The following IMMP2L variants were observed in gnomAD, a reference collection of about 807,000 sequenced individuals.
IMMP2L encodes the protein mitochondrial inner membrane protease subunit 2.
IMMP2L carries 18 observed loss-of-function variants against 19.3 expected under a neutral mutation model. That is an observed-to-expected ratio of 0.93 (90% CI 0.64 to 1.38). IMMP2L has a LOEUF of 1.38. IMMP2L is among the 40% of genes most tolerant of loss of function. IMMP2L has a pLI of 0.00. For missense variants in IMMP2L, 233 were observed against 218.2 expected (o/e 1.07, Z -0.43); for synonymous variants, 76 against 73.0 (o/e 1.04, Z -0.21).
rs142121715 is a variant in IMMP2L, at chr7:111,309,785, A to G, written c.239+177453T>C. ...ATTTTGAAATATTGTTACACTCATCACTAACTCCAAAATTATAGTACCTGT... is the reference window on the plus strand; with the variant it reads ...ATTTTGAAATATTGTTACACTCATCGCTAACTCCAAAATTATAGTACCTGT... On this transcript the variant is annotated intron_variant, in intron 3 of 5. Transcript: ENST00000405709. Among the ~76,000 whole-genome samples the G allele has an allele frequency of 3.1e-3, 467 of 152,258 alleles. 3 individuals are homozygous for G. Among genetic ancestry groups the G allele is most frequent in the African/African-American group, 0.01 (436 of 41,560 alleles).
At chr7:110,935,089 T>C (rs1256035063) in intron 4 of IMMP2L, among the ~76,000 whole-genome samples, 5 of 152,152 alleles carry the variant, frequency 3.3e-5, no homozygotes, top group Non-Finnish European at 5.9e-5. Context: ...TCCTTCATAG[T>C]GTTGATGGTC....
At chr7:111,454,133 G>A (rs1363986399) in intron 3 of IMMP2L, among the ~76,000 whole-genome samples, 1 of 152,004 alleles carries the variant, frequency 6.6e-6, no homozygotes, top group Non-Finnish European at 1.5e-5. Context: ...GAGGGTTTTT[G>A]GTTTTTGTTT....
intron 3 of IMMP2L, among the ~76,000 whole-genome samples, chr7:111,026,520 G>A (rs1173148447): frequency 1.3e-5 from 2 of 152,038 alleles, no homozygotes; most frequent in Non-Finnish European, 2.9e-5. Context: ...TGGGCTTCTA[G>A]CAGCCTCTCC....
chr7:110,994,726 T>C (rs1234780502), intron 3 of IMMP2L, among the ~76,000 whole-genome samples: 2 of 152,182 alleles, frequency 1.3e-5, no homozygotes, highest in Admixed American at 6.6e-5. Flanking sequence ...TTTTGGCTTG[T>C]GTTAAAGTAA....
chr7:111,040,309 G>C (rs1244557575), intron 3 of IMMP2L, among the ~76,000 whole-genome samples: 1 of 152,116 alleles, frequency 6.6e-6, no homozygotes, highest in Admixed American at 6.5e-5. Flanking sequence ...ATATGGAGTT[G>C]CCAAAATGAC....
intron 3 of IMMP2L, among the ~76,000 whole-genome samples, chr7:111,134,495 AG>A (rs980218521): frequency 2.3e-5 from 3 of 128,122 alleles, no homozygotes; most frequent in African/African-American, 1.3e-4. Flanking sequence ...TGGATTATTA[AG>A]AGTAAAAAGT....
intron 4 of IMMP2L, among the ~76,000 whole-genome samples, chr7:110,901,876 G>T (rs933977019): frequency 3.9e-5 from 6 of 152,050 alleles, no homozygotes; most frequent in Admixed American, 6.5e-5. Context: ...ATCTGAAGTA[G>T]ATATAAAGTA....
At chr7:111,491,785 G>A (rs1843128689) in intron 2 of IMMP2L, among the ~76,000 whole-genome samples, 1 of 151,952 alleles carries the variant, frequency 6.6e-6, no homozygotes, top group South Asian at 2.1e-4. Context: ...TAATTTATTT[G>A]TATTCTTTTT....
intron 1 of IMMP2L, among the ~76,000 whole-genome samples, chr7:111,553,403 T>C (rs1020371047): frequency 6.6e-6 from 1 of 152,156 alleles, no homozygotes; most frequent in African/African-American, 2.4e-5. Context: ...ACAGTATATG[T>C]CCCTGCATTC....
intron 3 of IMMP2L, among the ~76,000 whole-genome samples, chr7:111,178,944 T>C (rs1807390278): frequency 6.6e-6 from 1 of 152,050 alleles, no homozygotes; most frequent in South Asian, 2.1e-4. Context: ...TAATGGCATC[T>C]AGAATGGTGA....
intron 3 of IMMP2L, among the ~76,000 whole-genome samples, chr7:111,021,983 C>T (rs1357105464): frequency 6.6e-6 from 1 of 152,170 alleles, no homozygotes; most frequent in East Asian, 1.9e-4. Context: ...GGGTCCCTCC[C>T]ATGACATGTG....
chr7:110,872,547 C>G (rs932974767), intron 5 of IMMP2L, among the ~76,000 whole-genome samples: 1 of 152,176 alleles, frequency 6.6e-6, no homozygotes, highest in African/African-American at 2.4e-5. Flanking sequence ...TTCCATGGAG[C>G]TGCCATAATT....
At chr7:110,713,751 G>A (rs1169908584) in intron 5 of IMMP2L, among the ~76,000 whole-genome samples, 1 of 151,288 alleles carries the variant, frequency 6.6e-6, no homozygotes, top group Non-Finnish European at 1.5e-5. Context: ...GAATATTACT[G>A]GTGCACAGAA....
At chr7:111,394,253 G>A (rs1375362313) in intron 3 of IMMP2L, among the ~76,000 whole-genome samples, 2 of 152,044 alleles carry the variant, frequency 1.3e-5, no homozygotes, top group African/African-American at 4.8e-5. Flanking sequence ...AATATATTAA[G>A]TTCCTCTCTC....
chr7:111,234,132 T>C (rs2129625654), intron 3 of IMMP2L, among the ~76,000 whole-genome samples: 1 of 152,258 alleles, frequency 6.6e-6, no homozygotes, highest in African/African-American at 2.4e-5. Flanking sequence ...TTCATTCAGT[T>C]CAGTTCAGTA....
At chr7:110,814,606 T>C (rs993996239) in intron 5 of IMMP2L, among the ~76,000 whole-genome samples, 1 of 150,406 alleles carries the variant, frequency 6.6e-6, no homozygotes, top group Non-Finnish European at 1.5e-5. Flanking sequence ...TTTCTTTTTT[T>C]CTTCTATTTC....
intron 3 of IMMP2L, among the ~76,000 whole-genome samples, chr7:111,075,424 G>A (rs1351367697): frequency 5.3e-5 from 8 of 152,036 alleles, no homozygotes; most frequent in East Asian, 3.9e-4. Flanking sequence ...CACTGCACCC[G>A]ACCTTGTTTA....
intron 2 of IMMP2L, among the ~76,000 whole-genome samples, chr7:111,500,653 T>C (rs1001693745): frequency 6.6e-6 from 1 of 152,092 alleles, no homozygotes; most frequent in African/African-American, 2.4e-5. Flanking sequence ...ATCACCAACA[T>C]CCACTTTTCT....
At chr7:111,394,658 G>C (rs1014753585) in intron 3 of IMMP2L, among the ~76,000 whole-genome samples, 6 of 152,028 alleles carry the variant, frequency 3.9e-5, no homozygotes, top group Non-Finnish European at 7.4e-5. Flanking sequence ...AAGTAATAAA[G>C]TTCTTTCATC....
Sources: allele counts gnomAD v4.1 joint callset (sites outside exome capture counted in the v4.1 genomes callset), GRCh38; gene constraint gnomAD v4.1.1; transcripts MANE v1.5; gene names NCBI Gene and HGNC (gene_info 2026-07-23, HGNC 2026-07-21).